The following FUT8 variants were observed in gnomAD, a reference collection of about 807,000 sequenced individuals.
FUT8 encodes alpha-(1,6)-fucosyltransferase.
In FUT8, 29 loss-of-function variants were observed where a neutral mutation model predicts 71.3. The observed-to-expected ratio is 0.41, with a 90% CI of 0.30 to 0.55. The LOEUF (loss-of-function observed/expected upper bound fraction) is 0.55. Among genes scored for constraint, FUT8 ranks in the 20% least tolerant of loss-of-function variants. The pLI is 0.34. For synonymous variants in FUT8, 254 were observed against 239.3 expected, an observed-to-expected ratio of 1.06 and a Z score of -0.57; for missense variants, 544 against 702.1, an observed-to-expected ratio of 0.77 and a Z score of 2.55.
At chr14:65,446,769 G>A (rs1457012886) in intron 1 of FUT8, among the ~76,000 whole-genome samples, 18 of 148,462 alleles carry the variant, frequency 1.2e-4, no homozygotes, top group Non-Finnish European at 2.2e-4. Context: ...TTTGACCAGT[G>A]GGAGCCTGCC....
At chr14:65,450,022 T>C (rs1485629329) in intron 1 of FUT8, among the ~76,000 whole-genome samples, 3 of 152,346 alleles carry the variant, frequency 2.0e-5, no homozygotes, top group South Asian at 2.1e-4. Flanking sequence ...CTGTTAAACA[T>C]GTTTTCCCAT....
At chr14:65,444,083 A>C (rs972482245) in intron 1 of FUT8, among the ~76,000 whole-genome samples, 2 of 152,226 alleles carry the variant, frequency 1.3e-5, no homozygotes, top group Admixed American at 6.5e-5. Flanking sequence ...TTCTGAAAAG[A>C]CATCAAGCTT....
chr14:65,494,064 A>G (rs1200616794), intron 2 of FUT8, among the ~76,000 whole-genome samples: 5 of 152,288 alleles, frequency 3.3e-5, no homozygotes, highest in Middle Eastern at 3.4e-3. Flanking sequence ...ATCTTTGTAT[A>G]GTTTAGTAAA....
At chr14:65,637,805 T>G (rs1435358511) in intron 6 of FUT8, among the ~76,000 whole-genome samples, 2 of 152,102 alleles carry the variant, frequency 1.3e-5, no homozygotes, top group East Asian at 1.9e-4. Flanking sequence ...AAACGGGACT[T>G]ACTTCTGGTC....
chr14:65,547,777 G>A (rs1885059348), intron 2 of FUT8, among the ~76,000 whole-genome samples: 2 of 151,938 alleles, frequency 1.3e-5, no homozygotes, highest in Non-Finnish European at 1.5e-5. Context: ...AGAGAGTACA[G>A]TCACTGTATA....
At chr14:65,601,263 A>G (rs562263102) in intron 3 of FUT8, among the ~76,000 whole-genome samples, 15 of 152,332 alleles carry the variant, frequency 9.8e-5, no homozygotes, top group South Asian at 6.2e-4. Flanking sequence ...TTTTCTTTCA[A>G]TAGTGGAACT....
In FUT8 at chr14:65,682,047, C is replaced by T. The variant is rs151101073; in HGVS notation, c.835+12567C>T. ...CTGCAAAGCATAAAATATTTACTAT[C>T]TGGCCCTTTACAGAAAGTGTTTGCC... On this transcript the variant is annotated intron_variant, in intron 7 of 10. Transcript: ENST00000673929. Among the ~76,000 whole-genome samples the T allele has an allele frequency of 6.8e-4, 103 of 152,316 alleles. 1 individual carries two copies. Among genetic ancestry groups the T allele is most frequent in the African/African-American group, 1.8e-3 (76 of 41,572 alleles).
chr14:65,409,757 C>T (rs1354398337), upstream of FUT8, among the ~76,000 whole-genome samples: 1 of 152,176 alleles, frequency 6.6e-6, no homozygotes, highest in African/African-American at 2.4e-5. The surrounding 1 kb of genome is among the most constrained non-coding windows in gnomAD (Gnocchi z 5.4). Flanking sequence ...AAGAATTTGA[C>T]CGAGGCTATA....
chr14:65,666,509 A>G (rs1892225625), intron 6 of FUT8, among the ~76,000 whole-genome samples: 1 of 152,198 alleles, frequency 6.6e-6, no homozygotes, highest in Non-Finnish European at 1.5e-5. Context: ...GAACAGACCA[A>G]TAACAAGTTC....
At chr14:65,556,053 C>G (rs1387192020) in intron 2 of FUT8, among the ~76,000 whole-genome samples, 1 of 152,134 alleles carries the variant, frequency 6.6e-6, no homozygotes, top group Non-Finnish European at 1.5e-5. Flanking sequence ...CTATAACTTG[C>G]TAGAGACAGA....
intron 2 of FUT8, among the ~76,000 whole-genome samples, chr14:65,509,491 T>G (rs1430730311): frequency 6.6e-6 from 1 of 152,144 alleles, no homozygotes; most frequent in African/African-American, 2.4e-5. Context: ...TTGCATTGAA[T>G]CTGTAGATTG....
intron 1 of FUT8, among the ~76,000 whole-genome samples, chr14:65,439,954 G>GTATACATATATATATATATATA (rs1555360999): frequency 4.0e-5 from 3 of 74,984 alleles, no homozygotes; most frequent in Non-Finnish European, 7.4e-5. Context: ...GTGTGTGTGT[G>GTATACATATATATATATATATA]TATATATATA....
chr14:65,656,173 G>C (rs532460127), intron 6 of FUT8, among the ~76,000 whole-genome samples: 1 of 151,898 alleles, frequency 6.6e-6, no homozygotes, highest in East Asian at 1.9e-4. Context: ...ATTTATTCTT[G>C]TTTGCAGACT....
chr14:65,656,573 A>AT lies in FUT8; in HGVS notation c.598-12668dup, dbSNP rs926025420. Among the ~76,000 whole-genome samples, 9 of 152,322 alleles carry AT rather than the reference A, an allele frequency of 5.9e-5. No homozygotes were observed. In the East Asian group the frequency reaches 1.5e-3, roughly 26 times the overall value. ...TTATACTATCCAGAGTAATCTATAGATTCAGTGTAATCCCTATCAAAATAA... is the reference window on the plus strand; with the variant it reads ...TTATACTATCCAGAGTAATCTATAGATTTCAGTGTAATCCCTATCAAAATAA... On this transcript the variant is annotated intron_variant, in intron 6 of 10. Transcript: ENST00000673929.
chr14:65,694,691 C>T (rs923175675), intron 7 of FUT8, among the ~76,000 whole-genome samples: 3 of 152,008 alleles, frequency 2.0e-5, no homozygotes, highest in African/African-American at 7.3e-5. Flanking sequence ...GGCACATATA[C>T]ACCATGGAAT....
rs1208980308 is a variant in FUT8 at position 65,616,208 on chromosome 14, C to T, written c.320-3C>T. 6.2e-7 allele frequency: 1 copy of T among 1,600,352 alleles called. No individual in the cohort carries two copies. The highest frequency in any genetic ancestry group is 2.2e-5 in the East Asian group (1 of 44,744). Reference sequence around the variant, plus strand: ...GCTACAACTCTCTATTCTTTGACTACAGGTCTGGGGAAGGATCATGAAATC... The same window carrying T: ...GCTACAACTCTCTATTCTTTGACTATAGGTCTGGGGAAGGATCATGAAATC... On this transcript the variant is annotated splice_region_variant and splice_polypyrimidine_tract_variant and intron_variant, in intron 4 of 10. Transcript: ENST00000673929.
chr14:65,465,239 A>T (rs971332313), intron 2 of FUT8, among the ~76,000 whole-genome samples: 14 of 152,226 alleles, frequency 9.2e-5, no homozygotes, highest in African/African-American at 3.1e-4. Context: ...TTAAAAGCTT[A>T]GATGATTAAT....
intron 7 of FUT8, among the ~76,000 whole-genome samples, chr14:65,695,595 A>G (rs1233575536): frequency 2.6e-5 from 4 of 151,858 alleles, no homozygotes; most frequent in Admixed American, 1.3e-4. Flanking sequence ...TTTTTCTCCA[A>G]CCTTTTACTT....
rs1889988229 is a variant in FUT8, at chr14:65,627,996, G to C, written c.483-1496G>C. ...CAAACAGGAGGAGAGGGAAAACCAAGGGTTGAGGGTGATAGGCGGGAGTGT... is the reference window on the plus strand; with the variant it reads ...CAAACAGGAGGAGAGGGAAAACCAACGGTTGAGGGTGATAGGCGGGAGTGT... On this transcript the variant is annotated intron_variant, in intron 5 of 10. Coordinates refer to ENST00000673929, the MANE Select transcript of FUT8 (RefSeq NM_001371533.1). The surrounding 1 kb of genome is among the most constrained non-coding windows in gnomAD (Gnocchi z 4.0). Among the ~76,000 whole-genome samples the C allele has an allele frequency of 6.6e-6, 1 of 152,160 alleles. No individual in the cohort carries two copies. Among genetic ancestry groups the C allele is most frequent in the South Asian group, 2.1e-4 (1 of 4,822 alleles).
Sources: allele counts gnomAD v4.1 joint callset (sites outside exome capture counted in the v4.1 genomes callset), GRCh38; gene constraint gnomAD v4.1.1; non-coding constraint Gnocchi (gnomAD v3.1); transcripts MANE v1.5; gene names NCBI Gene and HGNC (gene_info 2026-07-23, HGNC 2026-07-21).